The following M1AP variants were observed in gnomAD, a reference collection of about 807,000 sequenced individuals.
M1AP encodes meiosis 1 arrest protein.
Under a neutral mutation model 51.2 loss-of-function variants are expected in M1AP, and 39 were observed. That is an observed-to-expected ratio of 0.76 (90% CI 0.59 to 1.00). The LOEUF (loss-of-function observed/expected upper bound fraction) is 1.00, where lower values mean the gene tolerates loss of function less well. Ranked by LOEUF, M1AP falls within the 50% of genes least tolerant of loss-of-function variation. The probability of loss-of-function intolerance (pLI) is 0.00; values close to 1 mark genes in which losing one functional copy is unlikely to be tolerated. For missense variants in M1AP, 545 were observed against 641.2 expected, an observed-to-expected ratio of 0.85 and a Z score of 1.62; for synonymous variants, 251 against 249.2, an observed-to-expected ratio of 1.01 and a Z score of -0.07.
intron 7 of M1AP, among the ~76,000 whole-genome samples, chr2:74,565,825 T>TCACACACACACA (rs72206117): frequency 1.2e-3 from 162 of 138,094 alleles, no homozygotes; most frequent in East Asian, 8.7e-3. Context: ...TGAGATGCCG[T>TCACACACACACA]CACACACACA....
chr2:74,648,085 C>G (rs544151079), intron 1 of M1AP, 180 bp downstream of exon 1: 4 of 985,504 alleles, frequency 4.1e-6, no homozygotes, highest in Middle Eastern at 5.2e-4. Flanking sequence ...GGAGGGATGA[C>G]TCCGACAGCG....
At chr2:74,589,072 G>A (rs758362854) in intron 4 of M1AP, among the ~76,000 whole-genome samples, 6 of 152,208 alleles carry the variant, frequency 3.9e-5, no homozygotes, top group Non-Finnish European at 8.8e-5. Flanking sequence ...GTGCACGCGC[G>A]CGCGTGCATG....
chr2:74,560,232 G>T lies in M1AP; in HGVS notation c.1341C>A (p.His447Gln). ...PTYNPLHVQS[H>Q]LYSHLSSIYA... ...AGATGCTGCTCAGGTGTGAGTACAG[G>T]TGGCTTTGAACATGCAAGGGGTTGT... The change falls in exon 9 of 11, where the codon CAC (histidine) becomes CAA (glutamine). Residue 447 changes from histidine (H) to glutamine (Q), a missense_variant. Physicochemically the swap from His to Gln is conservative, Grantham distance 24. Coordinates refer to ENST00000421985, the MANE Select transcript of M1AP (RefSeq NM_001321739.2). The T allele has an allele frequency of 1.2e-6, 2 of 1,613,890 alleles. No individual in the cohort carries two copies.
At chr2:74,598,524 T>G (rs1680476040) in intron 4 of M1AP, among the ~76,000 whole-genome samples, 1 of 152,072 alleles carries the variant, frequency 6.6e-6, no homozygotes, top group South Asian at 2.1e-4. Context: ...ATTGAAAAGA[T>G]GCATTCACAT....
intron 2 of M1AP, among the ~76,000 whole-genome samples, chr2:74,637,898 C>T (rs1481748954): frequency 6.6e-6 from 1 of 152,118 alleles, no homozygotes; most frequent in African/African-American, 2.4e-5. Context: ...TTATAGAGTT[C>T]TGTATGTAGC....
In M1AP at chr2:74,636,295, T is replaced by C. The variant is rs143004268; in HGVS notation, c.240+3741A>G. ...TCCACTCCTGCTTTGTTTTGGTTAA[T>C]GTTTGCATGATATATCCCTTTCCAT... On this transcript the variant is annotated intron_variant, in intron 2 of 10. Transcript: ENST00000421985. Among the ~76,000 whole-genome samples, 288 of 152,258 alleles carry C rather than the reference T, an allele frequency of 1.9e-3. 4 individuals carry two copies. Among genetic ancestry groups the C allele is most frequent in the African/African-American group, 6.6e-3 (274 of 41,572 alleles).
intron 2 of M1AP, among the ~76,000 whole-genome samples, chr2:74,619,687 T>C (rs553310542): frequency 5.3e-5 from 8 of 152,224 alleles, no homozygotes; most frequent in Non-Finnish European, 1.0e-4. Flanking sequence ...CATAAATATT[T>C]ATCATTCACC....
intron 4 of M1AP, among the ~76,000 whole-genome samples, chr2:74,598,621 C>CTTTTT (rs534856535): frequency 8.7e-6 from 1 of 114,400 alleles, no homozygotes; most frequent in Non-Finnish European, 1.7e-5. Flanking sequence ...TGTATATCAA[C>CTTTTT]TTTTTTTTTT....
At chr2:74,605,748 A>G (rs1020529832) in intron 4 of M1AP, among the ~76,000 whole-genome samples, 1 of 152,064 alleles carries the variant, frequency 6.6e-6, no homozygotes, top group Non-Finnish European at 1.5e-5. Context: ...AAAATACAAA[A>G]AAATTAGCTG....
intron 1 of M1AP, among the ~76,000 whole-genome samples, chr2:74,640,678 G>T (rs951064866): frequency 1.3e-5 from 2 of 151,980 alleles, no homozygotes; most frequent in African/African-American, 4.8e-5. Flanking sequence ...GGATGGTCTT[G>T]ATCTCTTGAC....
chr2:74,638,566 T>C (rs949749811), intron 2 of M1AP, among the ~76,000 whole-genome samples: 1 of 152,210 alleles, frequency 6.6e-6, no homozygotes, highest in African/African-American at 2.4e-5. Context: ...GGCTTCTTCA[T>C]TGCTCTCTCT....
At chr2:74,644,999 T>C (rs59188136) in intron 1 of M1AP, among the ~76,000 whole-genome samples, 10,503 of 152,198 alleles carry the variant, frequency 0.069, 1,091 homozygotes, top group African/African-American at 0.23. Context: ...TTCCACACTG[T>C]GGAAGCTTTG....
At chr2:74,610,475 G>T (rs560067019) in intron 3 of M1AP, among the ~76,000 whole-genome samples, 7 of 152,078 alleles carry the variant, frequency 4.6e-5, no homozygotes, top group Admixed American at 2.0e-4. Flanking sequence ...AAGAGTCAGG[G>T]TCTTGCTCTG....
intron 6 of M1AP, among the ~76,000 whole-genome samples, chr2:74,575,838 C>T (rs72818091): frequency 0.024 from 3,707 of 152,248 alleles, 63 homozygotes; most frequent in Non-Finnish European, 0.038. Context: ...ATTGCTAATT[C>T]ATTGTGTTTT....
chr2:74,630,708 AC>A (rs1243139842), intron 2 of M1AP, among the ~76,000 whole-genome samples: 1 of 143,724 alleles, frequency 7.0e-6, no homozygotes, highest in Non-Finnish European at 1.5e-5. Context: ...TGTATGTACC[AC>A]ATTTTTTTTT....
intron 4 of M1AP, among the ~76,000 whole-genome samples, chr2:74,598,921 C>A (rs1197598504): frequency 1.3e-5 from 2 of 151,958 alleles, no homozygotes; most frequent in African/African-American, 4.8e-5. Context: ...CACACCCAGC[C>A]ATTTTCATGT....
At chr2:74,585,586 T>A (rs1679660481) in intron 4 of M1AP, among the ~76,000 whole-genome samples, 1 of 152,190 alleles carries the variant, frequency 6.6e-6, no homozygotes, top group Non-Finnish European at 1.5e-5. Context: ...TTAACCTACA[T>A]GTTCTTGGAA....
At chr2:74,624,393 T>C (rs1573168968) in intron 2 of M1AP, among the ~76,000 whole-genome samples, 1 of 152,350 alleles carries the variant, frequency 6.6e-6, no homozygotes, top group African/African-American at 2.4e-5. Flanking sequence ...TCTTCAAGAA[T>C]TCTATTTCTG....
intron 1 of M1AP, among the ~76,000 whole-genome samples, chr2:74,645,312 G>T (rs1008326760): frequency 6.6e-6 from 1 of 152,206 alleles, no homozygotes; most frequent in Non-Finnish European, 1.5e-5. Context: ...TTTAAGAACT[G>T]TAACACCGCC....
Sources: allele counts gnomAD v4.1 joint callset (sites outside exome capture counted in the v4.1 genomes callset), GRCh38; gene constraint gnomAD v4.1.1; transcripts MANE v1.5; gene names NCBI Gene and HGNC (gene_info 2026-07-23, HGNC 2026-07-21).